Variants in TMPRSS9 observed in about 807,000 individuals in gnomAD.
TMPRSS9 encodes the protein transmembrane protease serine 9.
A neutral mutation model predicts 111.4 loss-of-function variants in TMPRSS9; 113 were observed. The observed-to-expected ratio is 1.01, with a 90% CI of 0.87 to 1.19. The LOEUF is 1.19. TMPRSS9 is among the 50% of genes most tolerant of loss of function. The pLI, the probability that TMPRSS9 is intolerant of heterozygous loss-of-function variation, is 0.00. For missense variants in TMPRSS9, 1,803 were observed against 1,513.1 expected (o/e 1.19, Z -3.18); for synonymous variants, 805 against 659.1 (o/e 1.22, Z -3.39).
intron 1 of TMPRSS9, among the ~76,000 whole-genome samples, chr19:2,382,420 C>G (rs1009403667): frequency 6.6e-6 from 1 of 152,228 alleles, no homozygotes; most frequent in African/African-American, 2.4e-5. Context: ...GCGTGAGCCA[C>G]CGCGCCCGGT....
At chr19:2,368,321 A>G (rs1332045220) in intron 1 of TMPRSS9, among the ~76,000 whole-genome samples, 2 of 149,884 alleles carry the variant, frequency 1.3e-5, no homozygotes, top group Non-Finnish European at 3.0e-5. Flanking sequence ...AAAATTTGAG[A>G]GACCAAAAAA....
chr19:2,418,042 C>A, exon 13 of TMPRSS9: 1 of 1,612,376 alleles, frequency 6.2e-7, no homozygotes, highest in Non-Finnish European at 8.5e-7. Context: ...CCGTGGGCAT[C>A]ATAGACCAGA....
chr19:2,397,403 G>C (rs1209699404), intron 2 of TMPRSS9, among the ~76,000 whole-genome samples: 1 of 151,962 alleles, frequency 6.6e-6, no homozygotes, highest in Admixed American at 6.6e-5. Context: ...CGATTCTCCT[G>C]TCTCAGCCTC....
chr19:2,390,638 C>T (rs950727626), intron 1 of TMPRSS9, among the ~76,000 whole-genome samples: 23 of 150,924 alleles, frequency 1.5e-4, no homozygotes, highest in Non-Finnish European at 2.7e-4. Context: ...GGAGGACCAT[C>T]GGAGCCCAGG....
chr19:2,425,902 ACC>A, intron 17 of TMPRSS9, 23 bp from the exon 19 acceptor site: 6 of 1,564,782 alleles, frequency 3.8e-6, no homozygotes, highest in South Asian at 2.4e-5. Context: ...CGGCCTCTGA[ACC>A]CCCTTTCTTC....
intron 1 of TMPRSS9, among the ~76,000 whole-genome samples, chr19:2,379,454 G>A (rs957755175): frequency 4.0e-5 from 6 of 151,790 alleles, no homozygotes; most frequent in African/African-American, 1.5e-4. Flanking sequence ...CAAAGTGCTG[G>A]GATTACAGGC....
intron 7 of TMPRSS9, among the ~76,000 whole-genome samples, chr19:2,406,170 C>T (rs1341398750): frequency 6.6e-6 from 1 of 150,810 alleles, no homozygotes; most frequent in Non-Finnish European, 1.5e-5. Flanking sequence ...GCCACCACGC[C>T]CAGCTAATTT....
intron 1 of TMPRSS9, among the ~76,000 whole-genome samples, chr19:2,375,666 C>T (rs1255349638): frequency 6.6e-6 from 1 of 152,142 alleles, no homozygotes; most frequent in African/African-American, 2.4e-5. Context: ...CCAATCATCA[C>T]TGATGGGGAG....
intron 1 of TMPRSS9, chr19:2,396,088 G>T (rs1599291135): frequency 6.4e-6 from 1 of 155,578 alleles, no homozygotes; most frequent in Non-Finnish European, 1.4e-5. Context: ...ATGGCCTCTG[G>T]CTGTGCTCAT....
intron 6 of TMPRSS9, among the ~76,000 whole-genome samples, chr19:2,404,006 A>G (rs945368400): frequency 3.3e-5 from 5 of 150,760 alleles, no homozygotes; most frequent in East Asian, 2.0e-4. Context: ...AAAAAAAAAA[A>G]AAAGAAAAAA....
intron 1 of TMPRSS9, among the ~76,000 whole-genome samples, chr19:2,381,123 C>T (rs1056492726): frequency 2.6e-5 from 4 of 151,936 alleles, no homozygotes; most frequent in African/African-American, 7.2e-5. Context: ...CTCAGAGAAT[C>T]GTATCTGTCT....
At chr19:2,376,863 C>T (rs1056017301) in intron 1 of TMPRSS9, among the ~76,000 whole-genome samples, 8 of 152,244 alleles carry the variant, frequency 5.3e-5, no homozygotes, top group Admixed American at 5.2e-4. Flanking sequence ...GATTCTGCCG[C>T]CTGATTTCTG....
chr19:2,396,674 T>C lies in TMPRSS9; in HGVS notation c.270+8T>C, dbSNP rs537454925. ...CCCACCCTGGAGGCACTGGTGAGGG[T>C]GGTCTGTGTTTGGGGGCCAGGGAGG... is the stretch of plus-strand genomic sequence containing the variant. On this transcript the variant is annotated splice_region_variant and intron_variant, in intron 2 of 17. Coordinates refer to ENST00000648592, the Ensembl canonical transcript of TMPRSS9. 10 of 1,601,014 alleles carry C rather than the reference T, an allele frequency of 6.2e-6. No individual in the cohort carries two copies. The East Asian group carries it at 2.3e-4, about 36-fold the overall frequency.
intron 1 of TMPRSS9, among the ~76,000 whole-genome samples, chr19:2,392,306 T>C (rs751011899): frequency 6.6e-6 from 1 of 152,118 alleles, no homozygotes; most frequent in Non-Finnish European, 1.5e-5. Flanking sequence ...GGTGGGAGGA[T>C]TGCTTGAGCC....
chr19:2,397,497 C>G (rs1184907734), intron 2 of TMPRSS9, among the ~76,000 whole-genome samples: 1 of 152,110 alleles, frequency 6.6e-6, no homozygotes, highest in Non-Finnish European at 1.5e-5. Flanking sequence ...GAATATGACT[C>G]AGCCAGGAAA....
chr19:2,401,933 C>A lies in TMPRSS9; in HGVS notation c.515-42C>A, dbSNP rs746910620. ...AATAGGATGTGTTCAAAGGGTTTTA[C>A]CGCTTATTCAGTGAGCTTCTATCTT... On this transcript the variant is annotated intron_variant, in intron 4 of 17. Coordinates refer to ENST00000648592, the Ensembl canonical transcript of TMPRSS9. 12 of 1,567,690 alleles carry A rather than the reference C, an allele frequency of 7.7e-6. No individual in the cohort carries two copies. The South Asian group carries it at 1.3e-4, about 17-fold the overall frequency.
At chr19:2,375,859 C>A (rs1182652209) in intron 1 of TMPRSS9, among the ~76,000 whole-genome samples, 1 of 152,112 alleles carries the variant, frequency 6.6e-6, no homozygotes, top group African/African-American at 2.4e-5. Context: ...GAAACTGAGG[C>A]CTGGAGAATT....
upstream of TMPRSS9, among the ~76,000 whole-genome samples, chr19:2,388,851 T>A (rs1212458688): frequency 1.3e-5 from 2 of 152,128 alleles, no homozygotes; most frequent in Non-Finnish European, 2.9e-5. Flanking sequence ...CTCAAACTCC[T>A]GGGCTCGAGC....
At chr19:2,405,249 G>A (rs1970944536) in intron 6 of TMPRSS9, 125 bp from the exon 8 acceptor site, 1 of 1,316,340 alleles carries the variant, frequency 7.6e-7, no homozygotes, top group Non-Finnish European at 1.0e-6. Flanking sequence ...AAGCCAAGGA[G>A]GGGCCCCCAA....
Sources: gnomAD v4.1 joint callset for allele counts (sites outside exome capture counted in the v4.1 genomes callset) on GRCh38, gnomAD v4.1.1 for gene constraint, MANE v1.5 for transcripts, NCBI Gene and HGNC (gene_info 2026-07-23, HGNC 2026-07-21) for gene names.